Variants in MMP26 observed in about 807,000 individuals in gnomAD.
MMP26 encodes matrix metallopeptidase 26.
In MMP26, 33 loss-of-function variants were observed where a neutral mutation model predicts 31.0. The observed-to-expected ratio is 1.06, with a 90% CI of 0.81 to 1.42. MMP26 has a LOEUF of 1.42. Among genes scored for constraint, MMP26 ranks in the 40% most tolerant of loss-of-function variants. The pLI, the probability that MMP26 is intolerant of heterozygous loss-of-function variation, is 0.00. For missense variants in MMP26, 347 were observed against 316.1 expected (o/e 1.10, Z -0.74); for synonymous variants, 122 against 114.9 (o/e 1.06, Z -0.40).
chr11:4,822,939 G>T (rs577461610), intron 2 of MMP26, among the ~76,000 whole-genome samples: 1 of 152,242 alleles, frequency 6.6e-6, no homozygotes, highest in Admixed American at 6.5e-5. Flanking sequence ...ATCAGTTACT[G>T]CTGCTGTTAG....
intron 2 of MMP26, chr11:4,769,316 C>A (rs750316974): frequency 1.2e-6 from 2 of 1,613,420 alleles, no homozygotes; most frequent in Non-Finnish European, 1.7e-6. Flanking sequence ...ATCAATTAAT[C>A]CACAGATGCT....
At chr11:4,781,406 G>A (rs1288599395) in intron 2 of MMP26, among the ~76,000 whole-genome samples, 3 of 84,388 alleles carry the variant, frequency 3.6e-5, no homozygotes, top group East Asian at 4.0e-4. Context: ...AATTAGCCGG[G>A]CGCGGTGGCG....
intron 2 of MMP26, chr11:4,955,038 C>G (rs747000247): frequency 1.4e-6 from 2 of 1,450,668 alleles, no homozygotes; most frequent in African/African-American, 1.5e-5. Context: ...ATTCCCGGTA[C>G]AGTCTTGAGG....
At chr11:4,803,397 G>C in intron 2 of MMP26, 1 of 1,325,478 alleles carries the variant, frequency 7.5e-7, no homozygotes, top group Non-Finnish European at 1.1e-6. Flanking sequence ...ACATTAGTGG[G>C]GCAATGTAAG....
intron 2 of MMP26, chr11:4,882,250 G>T: frequency 6.2e-7 from 1 of 1,613,938 alleles, no homozygotes; most frequent in Non-Finnish European, 8.5e-7. Context: ...CCTCGGTGCT[G>T]GTAGCCATGG....
intron 2 of MMP26, among the ~76,000 whole-genome samples, chr11:4,816,319 A>G (rs75160949): frequency 0.065 from 9,869 of 152,216 alleles, 444 homozygotes; most frequent in Middle Eastern, 0.14. Context: ...TTCATATGCA[A>G]TCTAGAAGAA....
chr11:4,944,099 T>G, intron 2 of MMP26: 1 of 455,174 alleles, frequency 2.2e-6, no homozygotes, highest in South Asian at 1.6e-5. Context: ...AACCCATATC[T>G]GTATTTGTAA....
chr11:4,745,615 C>T (rs1346963585), intron 1 of MMP26, among the ~76,000 whole-genome samples: 1 of 152,178 alleles, frequency 6.6e-6, no homozygotes. Flanking sequence ...AAGAAATTAT[C>T]ACCACTAATC....
chr11:4,753,214 C>T (rs749756150), intron 1 of MMP26, among the ~76,000 whole-genome samples: 2 of 152,000 alleles, frequency 1.3e-5, no homozygotes, highest in African/African-American at 2.4e-5. Context: ...AGTGTCCTCT[C>T]GAATAGTAAC....
intron 2 of MMP26, among the ~76,000 whole-genome samples, chr11:4,901,190 A>C: frequency 2.7e-5 from 3 of 111,350 alleles, no homozygotes; most frequent in African/African-American, 7.1e-5. Context: ...ACGGAGTCTC[A>C]CTCTGTCGCC....
At chr11:4,742,301 T>G (rs1362929634) in intron 1 of MMP26, among the ~76,000 whole-genome samples, 1 of 152,132 alleles carries the variant, frequency 6.6e-6, no homozygotes, top group Non-Finnish European at 1.5e-5. Context: ...ATAGTGTGGA[T>G]AGTAAATTTG....
intron 2 of MMP26, among the ~76,000 whole-genome samples, chr11:4,906,410 T>C (rs1850889348): frequency 6.6e-6 from 1 of 152,202 alleles, no homozygotes; most frequent in Non-Finnish European, 1.5e-5. Flanking sequence ...AGTTAAATAA[T>C]TTAAAATCAA....
chr11:4,907,217 G>C (rs976474879), intron 2 of MMP26: 3 of 545,384 alleles, frequency 5.5e-6, no homozygotes, highest in Non-Finnish European at 9.8e-6. Context: ...GGTAAATTTT[G>C]AAGAGTGCAG....
chr11:4,917,103 T>C (rs1023800958), intron 2 of MMP26, among the ~76,000 whole-genome samples: 2 of 152,138 alleles, frequency 1.3e-5, no homozygotes, highest in Non-Finnish European at 2.9e-5. Flanking sequence ...TTACCTCTAT[T>C]AATCCAGTAT....
chr11:4,921,192 A>G (rs1361603492), intron 2 of MMP26, among the ~76,000 whole-genome samples: 1 of 152,072 alleles, frequency 6.6e-6, no homozygotes, highest in Non-Finnish European at 1.5e-5. Flanking sequence ...TCTTATTTGA[A>G]CTCTGTAAAA....
intron 1 of MMP26, among the ~76,000 whole-genome samples, chr11:4,730,453 G>C (rs1417045686): frequency 7.0e-6 from 1 of 141,872 alleles, no homozygotes; most frequent in Non-Finnish European, 1.5e-5. Context: ...GAGAGTGATA[G>C]GTGACTACTG....
chr11:4,727,266 G>C (rs1015286236), intron 1 of MMP26, among the ~76,000 whole-genome samples: 1 of 152,110 alleles, frequency 6.6e-6, no homozygotes, highest in African/African-American at 2.4e-5. Context: ...CTTTAGTTAC[G>C]TTATAAAAGA....
At chr11:4,782,298 G>T (rs574365276) in intron 2 of MMP26, among the ~76,000 whole-genome samples, 9 of 152,188 alleles carry the variant, frequency 5.9e-5, no homozygotes, top group Non-Finnish European at 8.8e-5. Flanking sequence ...GGATGGAGAT[G>T]AGGAACTTGT....
At chr11:4,826,416 T>C (rs919419242) in intron 2 of MMP26, among the ~76,000 whole-genome samples, 7 of 152,024 alleles carry the variant, frequency 4.6e-5, no homozygotes, top group Admixed American at 3.3e-4. Flanking sequence ...GGAGAAGATA[T>C]AGAAGAAGCT....
Sources: allele counts gnomAD v4.1 joint callset (sites outside exome capture counted in the v4.1 genomes callset), GRCh38; gene constraint gnomAD v4.1.1; transcripts MANE v1.5; gene names NCBI Gene and HGNC (gene_info 2026-07-23, HGNC 2026-07-21).